The following MEAF6 variants were observed in gnomAD, a reference collection of about 807,000 sequenced individuals.
MEAF6 encodes the protein chromatin modification-related protein MEAF6.
Under a neutral mutation model 28.9 loss-of-function variants are expected in MEAF6, and 15 were observed. The observed-to-expected ratio is 0.52, with a 90% CI of 0.35 to 0.80. MEAF6 has a LOEUF of 0.80. MEAF6 is among the 30% of genes least tolerant of loss of function. MEAF6 has a pLI of 0.01. For synonymous variants in MEAF6, 97 were observed against 88.7 expected, an observed-to-expected ratio of 1.09 and a Z score of -0.53; for missense variants, 178 against 237.5, an observed-to-expected ratio of 0.75 and a Z score of 1.65.
At chr1:37,510,263 A>C (rs1390921537) in intron 2 of MEAF6, among the ~76,000 whole-genome samples, 1 of 150,130 alleles carries the variant, frequency 6.7e-6, no homozygotes, top group East Asian at 2.0e-4. Context: ...TTGTATCTTT[A>C]GTAGAGACGG....
rs759774905 is a variant in MEAF6, at chr1:37,509,444, C to G, written c.294+11G>C. ...AGGCCAAAGAAAGATTCCCCCACCA[C>G]CACTACTTACAGCTGCTGAGGTAAC... On this transcript the variant is annotated intron_variant, in intron 3 of 6. Coordinates refer to ENST00000296214, the MANE Select transcript of MEAF6 (RefSeq NM_001270875.3). 3 of 1,613,414 alleles carry G rather than the reference C, an allele frequency of 1.9e-6. No individual in the cohort carries two copies. The South Asian group carries it at 3.3e-5, about 18-fold the overall frequency.
At chr1:37,495,716 A>C (rs215213) in intron 6 of MEAF6, among the ~76,000 whole-genome samples, 169 bp downstream of exon 6, 24,795 of 129,542 alleles carry the variant, frequency 0.19, 2,604 homozygotes, top group East Asian at 0.3. Context: ...AAAAAAAAAA[A>C]AAACAAAAAA....
Position 37,501,791 on chromosome 1 carries a change from C to A in MEAF6, c.533+13G>T. On this transcript the variant is annotated intron_variant, in intron 5 of 6. Transcript: ENST00000296214. ...GTCATGGGAGCTGCGGGGGTGGGAT[C>A]CCTGCCACTGACCTGTGCCGGTTTT... 1 of 1,548,462 alleles carries A rather than the reference C, an allele frequency of 6.5e-7. No individual in the cohort carries two copies. Among genetic ancestry groups the A allele is most frequent in the Admixed American group, 1.8e-5 (1 of 55,148 alleles).
chr1:37,496,712 G>A, intron 5 of MEAF6: 1 of 1,601,488 alleles, frequency 6.2e-7, no homozygotes, highest in Non-Finnish European at 8.5e-7. Flanking sequence ...CTTACTCAAA[G>A]TCATAATCAA....
At chr1:37,500,099 T>C (rs1003755704) in intron 5 of MEAF6, among the ~76,000 whole-genome samples, 1 of 152,108 alleles carries the variant, frequency 6.6e-6, no homozygotes, top group Non-Finnish European at 1.5e-5. Flanking sequence ...CTGAGGCCAG[T>C]AGTTCACACC....
At chr1:37,512,869 A>C (rs1236828036) in intron 2 of MEAF6, among the ~76,000 whole-genome samples, 1 of 152,012 alleles carries the variant, frequency 6.6e-6, no homozygotes, top group Non-Finnish European at 1.5e-5. Context: ...TCCAGCCTGG[A>C]CAACAGCGTG....
intron 5 of MEAF6, chr1:37,501,085 C>T (rs1642286415): frequency 6.5e-6 from 1 of 153,910 alleles, no homozygotes. Context: ...TTAACAATCC[C>T]CAGCATGATC....
chr1:37,500,192 A>C (rs1642252945), intron 5 of MEAF6, among the ~76,000 whole-genome samples: 1 of 152,150 alleles, frequency 6.6e-6, no homozygotes, highest in Non-Finnish European at 1.5e-5. Flanking sequence ...GCTACTCAGG[A>C]GGCTGAGGCA....
At chr1:37,498,412 A>T (rs895152655) in intron 5 of MEAF6, among the ~76,000 whole-genome samples, 33 of 47,274 alleles carry the variant, frequency 7.0e-4, no homozygotes, top group Admixed American at 3.1e-3. Context: ...GTTATTTTTT[A>T]TTATTATTAT....
chr1:37,513,292 C>T, intron 2 of MEAF6, 131 bp downstream of exon 2: 4 of 663,360 alleles, frequency 6.0e-6, no homozygotes, highest in Middle Eastern at 2.5e-4. Context: ...GAGCCAGAGT[C>T]CAAGAGTTCA....
chr1:37,513,227 T>G lies in MEAF6; in HGVS notation c.206+196A>C, dbSNP rs115789496. Among the ~76,000 whole-genome samples, 737 of 152,292 alleles carry G rather than the reference T, an allele frequency of 4.8e-3. 4 individuals carry two copies. The highest frequency in any genetic ancestry group is 0.017 in the African/African-American group (689 of 41,562). ...ACAACCCTGTGCCATAGGCCCAACT[T>G]TCGCTATTTTACAGATGTGAGCCTT... On this transcript the variant is annotated intron_variant, in intron 2 of 6. Coordinates refer to ENST00000296214, the MANE Select transcript of MEAF6 (RefSeq NM_001270875.3).
chr1:37,495,609 G>A (rs1212400279), intron 6 of MEAF6, among the ~76,000 whole-genome samples: 1 of 146,266 alleles, frequency 6.8e-6, no homozygotes, highest in Non-Finnish European at 1.5e-5. Flanking sequence ...AAGCACAGGA[G>A]GTCAAGGCCA....
intron 5 of MEAF6, chr1:37,500,824 G>C (rs980954706): frequency 6.5e-6 from 1 of 152,926 alleles, no homozygotes; most frequent in Non-Finnish European, 1.5e-5. Flanking sequence ...GGAGAACAGG[G>C]AATGCCACCC....
In MEAF6 at chr1:37,493,857, C is replaced by A; in HGVS notation, c.*242G>T. The stretch of plus-strand genomic sequence containing the variant: ...CACAGTTAGCAACTTGCTGGGATTA[C>A]AACATTGTCTTCATCTTCCTGCAGT... On this transcript the variant is annotated 3_prime_UTR_variant, in exon 7 of 7. Transcript: ENST00000296214. The A allele has an allele frequency of 6.4e-7, 1 of 1,554,004 alleles. No individual in the cohort carries two copies. The highest frequency in any genetic ancestry group is 1.2e-5 in the South Asian group (1 of 84,562).
At chr1:37,502,764 C>T (rs1557608282) in intron 4 of MEAF6, among the ~76,000 whole-genome samples, 2 of 151,732 alleles carry the variant, frequency 1.3e-5, no homozygotes, top group African/African-American at 4.8e-5. Flanking sequence ...ACTGCAGGTG[C>T]CCATAAGCAT....
At chr1:37,505,819 A>G (rs928691223) in intron 4 of MEAF6, among the ~76,000 whole-genome samples, 7 of 152,234 alleles carry the variant, frequency 4.6e-5, no homozygotes, top group African/African-American at 1.4e-4. Context: ...CAAGGGTGAC[A>G]AGACAATTCA....
intron 4 of MEAF6, among the ~76,000 whole-genome samples, chr1:37,502,613 G>GTTT: frequency 7.1e-6 from 1 of 140,338 alleles, no homozygotes; most frequent in East Asian, 2.1e-4. Context: ...AACCTCGTAA[G>GTTT]TCTTTTTTTT....
chr1:37,500,387 T>C (rs1018902991), intron 5 of MEAF6, among the ~76,000 whole-genome samples: 1 of 152,170 alleles, frequency 6.6e-6, no homozygotes, highest in Non-Finnish European at 1.5e-5. Context: ...ATTAAAAAAA[T>C]TTTTAAGAAT....
chr1:37,503,460 G>A (rs1642380142), intron 4 of MEAF6, among the ~76,000 whole-genome samples: 1 of 152,024 alleles, frequency 6.6e-6, no homozygotes, highest in South Asian at 2.1e-4. Flanking sequence ...AGACCAGCTT[G>A]GACAACACAG....
Sources: allele counts gnomAD v4.1 joint callset (sites outside exome capture counted in the v4.1 genomes callset), GRCh38; gene constraint gnomAD v4.1.1; transcripts MANE v1.5; gene names NCBI Gene and HGNC (gene_info 2026-07-23, HGNC 2026-07-21).